The following BMP6 variants were observed in gnomAD, a reference collection of about 807,000 sequenced individuals.
BMP6 encodes bone morphogenetic protein 6.
In BMP6, 17 loss-of-function variants were observed where a neutral mutation model predicts 54.1. The observed-to-expected ratio is 0.31, with a 90% CI of 0.22 to 0.47. The LOEUF (loss-of-function observed/expected upper bound fraction) is 0.47, where lower values mean the gene tolerates loss of function less well. Among genes scored for constraint, BMP6 ranks in the 20% least tolerant of loss-of-function variants. The probability of loss-of-function intolerance (pLI) is 1.00; values close to 1 mark genes in which losing one functional copy is unlikely to be tolerated. For synonymous variants in BMP6, 328 were observed against 291.2 expected (o/e 1.13, Z -1.28); for missense variants, 720 against 690.4 (o/e 1.04, Z -0.48).
Position 7,880,431 on chromosome 6 carries a change from T to G in BMP6, c.*88T>G. 6.5e-7 allele frequency: 1 copy of G among 1,544,638 alleles called. No homozygotes were observed. Among genetic ancestry groups the G allele is most frequent in the Non-Finnish European group, 8.9e-7 (1 of 1,129,012 alleles). ...AAAAACACGGAAGCACAGTTGGAGG[T>G]GGGACGATGAGACTTTGAAACTATC... On this transcript the variant is annotated 3_prime_UTR_variant, in exon 7 of 7. Transcript: ENST00000283147.
At chr6:7,871,300 C>G (rs537148407) in intron 4 of BMP6, among the ~76,000 whole-genome samples, 5 of 152,310 alleles carry the variant, frequency 3.3e-5, no homozygotes, top group Admixed American at 1.3e-4. Flanking sequence ...CCTGCGGAAG[C>G]AGTTTATTAA....
chr6:7,875,488 G>A (rs1247473421), intron 4 of BMP6, among the ~76,000 whole-genome samples: 1 of 152,044 alleles, frequency 6.6e-6, no homozygotes, highest in South Asian at 2.1e-4. Context: ...GACCAGCCTC[G>A]GCAACATAGC....
chr6:7,806,440 T>C (rs1425937401), intron 1 of BMP6, among the ~76,000 whole-genome samples: 1 of 152,250 alleles, frequency 6.6e-6, no homozygotes, highest in African/African-American at 2.4e-5. Flanking sequence ...GCTCTTCTAA[T>C]GTGTAAATTG....
At position 7,726,244 on chromosome 6, in the gene BMP6, G is replaced by T. The variant is rs540248766; in HGVS notation, c.-712G>T. On this transcript the variant is annotated 5_prime_UTR_variant, in exon 1 of 7. Coordinates refer to ENST00000283147, the MANE Select transcript of BMP6 (RefSeq NM_001718.6). ...GAGCGGGTTTGCTGGGCAGCCGGGC[G>T]ACCGCCGAACGGAAAGCAAGATCCT... 4.6e-4 allele frequency among the ~76,000 whole-genome samples: 70 copies of T among 152,334 alleles called. No homozygotes were observed. Among genetic ancestry groups the T allele is most frequent in the Non-Finnish European group, 1.0e-4 (7 of 68,032 alleles).
chr6:7,799,894 G>A (rs554614570), intron 1 of BMP6, among the ~76,000 whole-genome samples: 11 of 152,188 alleles, frequency 7.2e-5, no homozygotes, highest in Non-Finnish European at 1.5e-4. Context: ...TTAAGGAACC[G>A]ATCACTTATT....
At chr6:7,821,474 C>G (rs149229831) in intron 1 of BMP6, among the ~76,000 whole-genome samples, 1 of 151,898 alleles carries the variant, frequency 6.6e-6, no homozygotes, top group African/African-American at 2.4e-5. Context: ...CACTTGAGGC[C>G]GGGAGGGCAG....
rs138774809 is a variant in BMP6 at position 7,827,086 on chromosome 6, T to G, written c.665-18054T>G. On this transcript the variant is annotated intron_variant, in intron 1 of 6. Transcript: ENST00000283147. The stretch of plus-strand genomic sequence containing the variant: ...TGCCCGTATCTACAGCTTTCTTCAC[T>G]TTTTCCCCAACCTGCGGAAAGGCCT... 2.6e-3 allele frequency among the ~76,000 whole-genome samples: 395 copies of G among 152,296 alleles called. 2 individuals are homozygous for G. Among genetic ancestry groups the G allele is most frequent in the Non-Finnish European group, 4.5e-3 (306 of 68,026 alleles).
chr6:7,752,902 A>G (rs1384731312), intron 1 of BMP6, among the ~76,000 whole-genome samples: 1 of 152,070 alleles, frequency 6.6e-6, no homozygotes, highest in African/African-American at 2.4e-5. Context: ...CCAGCTTATT[A>G]TCTGCTGGGC....
intron 1 of BMP6, among the ~76,000 whole-genome samples, chr6:7,821,971 T>A (rs751161843): frequency 1.3e-5 from 2 of 152,026 alleles, no homozygotes; most frequent in Non-Finnish European, 2.9e-5. Flanking sequence ...CCACATTCCC[T>A]CTACCCAGTG....
chr6:7,808,933 A>AG (rs1758394038), intron 1 of BMP6, among the ~76,000 whole-genome samples: 1 of 151,188 alleles, frequency 6.6e-6, no homozygotes, highest in Non-Finnish European at 1.5e-5. Flanking sequence ...AAAAAAAAAA[A>AG]AAAAATTGGT....
At chr6:7,859,061 G>A (rs933462094) in intron 2 of BMP6, among the ~76,000 whole-genome samples, 3 of 152,064 alleles carry the variant, frequency 2.0e-5, no homozygotes, top group African/African-American at 4.8e-5. Flanking sequence ...CACTGACCCC[G>A]TAGGTGCAAT....
intron 1 of BMP6, among the ~76,000 whole-genome samples, chr6:7,767,441 G>A (rs372978198): frequency 5.9e-5 from 9 of 152,162 alleles, no homozygotes; most frequent in African/African-American, 2.2e-4. Context: ...CACCCTGCAT[G>A]ATCATCAGAG....
chr6:7,872,590 T>C (rs1408101259), intron 4 of BMP6, among the ~76,000 whole-genome samples: 1 of 152,216 alleles, frequency 6.6e-6, no homozygotes, highest in Admixed American at 6.5e-5. Flanking sequence ...GAGAAGGTTC[T>C]CTTTGTTGAG....
intron 1 of BMP6, among the ~76,000 whole-genome samples, chr6:7,733,716 T>C (rs115611037): frequency 0.013 from 1,999 of 152,348 alleles, 53 homozygotes; most frequent in African/African-American, 0.045. Context: ...CTTTCTTTTC[T>C]GATCATACCC....
chr6:7,734,741 A>G (rs1761927324), intron 1 of BMP6, among the ~76,000 whole-genome samples: 1 of 152,190 alleles, frequency 6.6e-6, no homozygotes. Flanking sequence ...TCCCATCTCC[A>G]TTATTAAGGA....
chr6:7,830,187 C>A (rs879436198), intron 1 of BMP6, among the ~76,000 whole-genome samples: 3 of 152,184 alleles, frequency 2.0e-5, no homozygotes, highest in Non-Finnish European at 4.4e-5. Flanking sequence ...TCCTCTCTCT[C>A]ATATCCGTGC....
At chr6:7,822,201 G>C (rs1758621852) in intron 1 of BMP6, among the ~76,000 whole-genome samples, 1 of 152,158 alleles carries the variant, frequency 6.6e-6, no homozygotes, top group African/African-American at 2.4e-5. Flanking sequence ...TGTATTTTTA[G>C]TAGAGATGGA....
intron 2 of BMP6, among the ~76,000 whole-genome samples, chr6:7,858,605 A>G (rs997732758): frequency 2.6e-5 from 4 of 151,700 alleles, no homozygotes; most frequent in Admixed American, 2.0e-4. Flanking sequence ...CATTTGCCCC[A>G]CTTAACAGCC....
chr6:7,822,356 G>A (rs909341807), intron 1 of BMP6, among the ~76,000 whole-genome samples: 2 of 152,172 alleles, frequency 1.3e-5, no homozygotes, highest in African/African-American at 2.4e-5. Flanking sequence ...GAAATGGGAC[G>A]TGGTCTGCAG....
Sources: allele counts gnomAD v4.1 joint callset (sites outside exome capture counted in the v4.1 genomes callset), GRCh38; gene constraint gnomAD v4.1.1; transcripts MANE v1.5; gene names NCBI Gene and HGNC (gene_info 2026-07-23, HGNC 2026-07-21).